ENDOD1: variants seen among roughly 807,000 people sequenced by gnomAD.
ENDOD1 encodes the protein endonuclease domain-containing 1 protein.
In ENDOD1, 9 loss-of-function variants were observed where a neutral mutation model predicts 6.5. The ratio of observed to expected loss-of-function variants is 1.39; its 90% CI spans 0.84 to 2.43. The LOEUF (loss-of-function observed/expected upper bound fraction) is 2.43, where lower values mean the gene tolerates loss of function less well. Ranked by LOEUF, ENDOD1 falls within the 30% of genes most tolerant of loss-of-function variation. The pLI is 0.00. For missense variants in ENDOD1, 648 were observed against 635.5 expected, an observed-to-expected ratio of 1.02 and a Z score of -0.21; for synonymous variants, 255 against 255.2, an observed-to-expected ratio of 1.00 and a Z score of 0.01.
At chr11:95,122,193 C>T (rs1358785738) in intron 1 of ENDOD1, among the ~76,000 whole-genome samples, 2 of 151,952 alleles carry the variant, frequency 1.3e-5, no homozygotes, top group East Asian at 3.9e-4. Flanking sequence ...CTATTTTAAT[C>T]AAATAGTATT....
At chr11:95,108,358 C>A (rs1417398248) in intron 1 of ENDOD1, among the ~76,000 whole-genome samples, 1 of 152,034 alleles carries the variant, frequency 6.6e-6, no homozygotes, top group East Asian at 1.9e-4. Flanking sequence ...TCCTTCTTCC[C>A]ACAGCCAGGA....
intron 1 of ENDOD1, among the ~76,000 whole-genome samples, chr11:95,108,535 A>ACACACACACACACAC (rs1325896470): frequency 8.9e-4 from 132 of 148,338 alleles, no homozygotes; most frequent in Admixed American, 2.1e-3. Context: ...ACAGACACCC[A>ACACACACACACACAC]AAAAAAGAAA....
intron 1 of ENDOD1, among the ~76,000 whole-genome samples, chr11:95,110,725 A>G (rs782655493): frequency 6.6e-6 from 1 of 152,018 alleles, no homozygotes; most frequent in Non-Finnish European, 1.5e-5. Flanking sequence ...CCTCCTGTAC[A>G]TTCTAAGACA....
At chr11:95,111,332 T>C (rs1555111916) in intron 1 of ENDOD1, among the ~76,000 whole-genome samples, 2 of 152,170 alleles carry the variant, frequency 1.3e-5, no homozygotes, top group African/African-American at 4.8e-5. Context: ...GGGACAGGTT[T>C]CATGGAAGAG....
At chr11:95,102,600 A>C (rs1242179263) in intron 1 of ENDOD1, among the ~76,000 whole-genome samples, 2 of 152,190 alleles carry the variant, frequency 1.3e-5, no homozygotes, top group African/African-American at 2.4e-5. Flanking sequence ...TGAGCCTGGG[A>C]GACAGAGGTT....
intron 1 of ENDOD1, among the ~76,000 whole-genome samples, chr11:95,097,154 C>CA (rs34990638): frequency 0.15 from 21,452 of 140,122 alleles, 2,403 homozygotes; most frequent in African/African-American, 0.28. Flanking sequence ...GACCCTGTTT[C>CA]AAAAAAAAAA....
chr11:95,127,573 T>C (rs1859323697), intron 1 of ENDOD1, among the ~76,000 whole-genome samples: 1 of 152,170 alleles, frequency 6.6e-6, no homozygotes, highest in Non-Finnish European at 1.5e-5. Flanking sequence ...AATCCGAAAA[T>C]GTGTAAACAT....
intron 1 of ENDOD1, among the ~76,000 whole-genome samples, chr11:95,120,814 G>A (rs1859255976): frequency 6.6e-6 from 1 of 152,150 alleles, no homozygotes; most frequent in African/African-American, 2.4e-5. Flanking sequence ...AGCCTACAGT[G>A]GCGAGGCTTG....
intron 1 of ENDOD1, among the ~76,000 whole-genome samples, chr11:95,126,210 A>G (rs553580685): frequency 6.6e-6 from 1 of 152,350 alleles, no homozygotes; most frequent in Non-Finnish European, 1.5e-5. Context: ...ACCCCTATGC[A>G]TACCTACAAG....
At chr11:95,121,646 C>T (rs774153141) in intron 1 of ENDOD1, among the ~76,000 whole-genome samples, 2 of 152,134 alleles carry the variant, frequency 1.3e-5, no homozygotes, top group Non-Finnish European at 2.9e-5. Flanking sequence ...AACAAAAAAA[C>T]TACCTATGGA....
intron 1 of ENDOD1, among the ~76,000 whole-genome samples, chr11:95,100,363 G>A (rs1272698124): frequency 6.6e-6 from 1 of 152,078 alleles, no homozygotes; most frequent in African/African-American, 2.4e-5. Context: ...TAAGGACACA[G>A]CTCCTTATCG....
In ENDOD1 at chr11:95,132,599, A is replaced by G. The variant is rs941343891; in HGVS notation, c.*3020A>G. The G allele has an allele frequency of 6.6e-6, 1 of 152,246 alleles. No homozygotes were observed. 9.4% of individuals were successfully genotyped at this position (152,246 alleles called of 1,614,324 possible). A position where few individuals can be genotyped will look rare whatever the true frequency, so the allele number is the denominator to read the frequency against. On this transcript the variant is annotated 3_prime_UTR_variant, in exon 2 of 2. Coordinates refer to ENST00000278505, the MANE Select transcript of ENDOD1 (RefSeq NM_015036.3). ...TCAATTTGACATTTTCAAGCTATGT[A>G]CAATGATGTGCACCTTGCAGATGCT...
intron 1 of ENDOD1, among the ~76,000 whole-genome samples, chr11:95,118,892 G>C (rs1244218575): frequency 6.6e-6 from 1 of 152,058 alleles, no homozygotes; most frequent in South Asian, 2.1e-4. Flanking sequence ...TTTTCAAATA[G>C]TCTGTCTTTA....
At chr11:95,127,463 A>G (rs1859322539) in intron 1 of ENDOD1, among the ~76,000 whole-genome samples, 1 of 152,220 alleles carries the variant, frequency 6.6e-6, no homozygotes, top group Non-Finnish European at 1.5e-5. Context: ...TCTAATTTGA[A>G]TTTTAGTTTT....
intron 1 of ENDOD1, among the ~76,000 whole-genome samples, chr11:95,104,010 C>T (rs1859066582): frequency 1.3e-5 from 2 of 152,284 alleles, no homozygotes; most frequent in South Asian, 2.1e-4. Flanking sequence ...TCGTGACTGC[C>T]CACAGCTTTT....
In ENDOD1 at chr11:95,129,601, C is replaced by T. The variant is rs1859351302; in HGVS notation, c.*22C>T. On this transcript the variant is annotated 3_prime_UTR_variant, in exon 2 of 2. Transcript: ENST00000278505. ...ATAAACTCAAAAAACTAATAGTATC[C>T]AGTCACAGTGAATTTGAAAGCTGGA... 6.3e-7 allele frequency: 1 copy of T among 1,588,906 alleles called. No individual in the cohort carries two copies. The highest frequency in any genetic ancestry group is 8.6e-7 in the Non-Finnish European group (1 of 1,165,996).
chr11:95,092,923 A>G (rs1434881028), intron 1 of ENDOD1, among the ~76,000 whole-genome samples: 4 of 152,214 alleles, frequency 2.6e-5, no homozygotes, highest in African/African-American at 7.2e-5. Flanking sequence ...AGTGTTACCA[A>G]GAGGACCCGC....
At chr11:95,108,140 G>A (rs1555111603) in intron 1 of ENDOD1, among the ~76,000 whole-genome samples, 1 of 152,188 alleles carries the variant, frequency 6.6e-6, no homozygotes, top group Admixed American at 6.5e-5. Context: ...TGAATTTAAA[G>A]AATTCCTCCT....
chr11:95,090,205 A>G lies in ENDOD1; in HGVS notation c.278A>G (p.Gln93Arg). ...APRPAPGGAE[Q>R]RWLVEPQIDD... is the part of the protein sequence containing the mutation. ...CGCCCTGCGCCCGGCGGCGCCGAGC[A>G]GCGATGGCTGGTGGAGCCGCAGGTA... Residue 93 changes from glutamine to arginine, a missense_variant, in exon 1 of 2, where the codon CAG (glutamine) becomes CGG (arginine). By Grantham distance (43) the Gln-to-Arg change is conservative. Coordinates refer to ENST00000278505, the MANE Select transcript of ENDOD1 (RefSeq NM_015036.3). 7.1e-7 allele frequency: 1 copy of G among 1,405,238 alleles called. No individual in the cohort carries two copies. Among genetic ancestry groups the G allele is most frequent in the Non-Finnish European group, 9.4e-7 (1 of 1,065,954 alleles). 87.0% of individuals were successfully genotyped at this position (1,405,238 alleles called of 1,614,324 possible).
Sources: allele counts gnomAD v4.1 joint callset (sites outside exome capture counted in the v4.1 genomes callset), GRCh38; gene constraint gnomAD v4.1.1; transcripts MANE v1.5; gene names NCBI Gene and HGNC (gene_info 2026-07-23, HGNC 2026-07-21).